TUBB1: variants seen among roughly 807,000 people sequenced by gnomAD.
TUBB1 encodes tubulin beta-1 chain.
TUBB1 carries 28 observed loss-of-function variants against 22.6 expected under a neutral mutation model. That is an observed-to-expected ratio of 1.24 (90% CI 0.92 to 1.70). The LOEUF is 1.70. Ranked by LOEUF, TUBB1 falls within the 40% of genes most tolerant of loss-of-function variation. The pLI is 0.00. For missense variants in TUBB1, 577 were observed against 605.5 expected, an observed-to-expected ratio of 0.95 and a Z score of 0.49; for synonymous variants, 226 against 238.0, an observed-to-expected ratio of 0.95 and a Z score of 0.46.
Position 59,019,596 on chromosome 20 carries a change from T to G in TUBB1, c.57+17T>G. The G allele has an allele frequency of 6.2e-7, 1 of 1,614,034 alleles. No individual in the cohort carries two copies. The highest frequency in any genetic ancestry group is 8.5e-7 in the Non-Finnish European group (1 of 1,179,854). The stretch of plus-strand genomic sequence containing the variant: ...GGAGCCAAGGTAAGTAATGTCTGGT[T>G]ACTAATCCTAGCTTTACCACAGTCC... On this transcript the variant is annotated intron_variant, in intron 1 of 3. Transcript: ENST00000217133.
At chr20:59,021,426 C>T (rs961594098) in intron 1 of TUBB1, among the ~76,000 whole-genome samples, 4 of 152,186 alleles carry the variant, frequency 2.6e-5, no homozygotes, top group Non-Finnish European at 5.9e-5. Flanking sequence ...AAGACCATGG[C>T]CAGAGCAGCA....
chr20:59,020,765 C>T (rs914928924), intron 1 of TUBB1, among the ~76,000 whole-genome samples: 2 of 151,380 alleles, frequency 1.3e-5, no homozygotes, highest in South Asian at 2.1e-4. Flanking sequence ...CTTTCCCTTG[C>T]CCCCCTGCTT....
rs1422424634 is a variant in TUBB1, at chr20:59,025,566, T to C, written c.*783T>C. 1 of 152,258 alleles carries C rather than the reference T, an allele frequency of 6.6e-6. No individual in the cohort carries two copies. Among genetic ancestry groups the C allele is most frequent in the Non-Finnish European group, 1.5e-5 (1 of 68,054 alleles). The allele number at this position is 152,258 out of a possible 1,614,324, so 9.4% of individuals were successfully genotyped here. A position where few individuals can be genotyped will look rare whatever the true frequency, so the allele number is the denominator to read the frequency against. Reference sequence around the variant, plus strand: ...TCTTACTACTGTTAGATCCCAGGAATTCATTAATAATCATCCTTGGCTTTC... The same window carrying C: ...TCTTACTACTGTTAGATCCCAGGAACTCATTAATAATCATCCTTGGCTTTC... On this transcript the variant is annotated 3_prime_UTR_variant, in exon 4 of 4. Transcript: ENST00000217133.
rs780577810 is a variant in TUBB1, at chr20:59,024,506, G to T, written c.1079G>T (p.Gly360Val). The change falls in exon 4 of 4, where the codon GGG (glycine) becomes GTG (valine). Residue 360 changes from glycine to valine, a missense_variant. Transcript: ENST00000217133. This position sits in a 1 kb window ranked among gnomAD's most constrained non-coding sequence, Gnocchi z 4.9. Reference protein sequence around the residue: ...KVAVCDIPPRGLSMAATFIGN... With the variant: ...KVAVCDIPPRVLSMAATFIGN... ...GCTGTCTGCGACATCCCGCCCCGGGGGCTGAGCATGGCCGCCACCTTCATT... is the reference window on the plus strand; with the variant it reads ...GCTGTCTGCGACATCCCGCCCCGGGTGCTGAGCATGGCCGCCACCTTCATT... 2 of 1,614,180 alleles carry T rather than the reference G, an allele frequency of 1.2e-6. No homozygotes were observed. The highest frequency in any genetic ancestry group is 2.2e-5 in the South Asian group (2 of 91,078).
rs2091978236 is a variant in TUBB1 at position 59,023,601 on chromosome 20, G to GT, written c.277+2dup. 6.2e-7 allele frequency: 1 copy of GT among 1,613,982 alleles called. No homozygotes were observed. The highest frequency in any genetic ancestry group is 1.7e-5 in the Admixed American group (1 of 59,996). On this transcript the variant is annotated splice_donor_variant, in intron 3 of 3. Transcript: ENST00000217133. LOFTEE classifies it high-confidence loss of function. ...TTTCAACCCGACAGTTTTGTCCATGGTATGTTTTTCCAGAAGGTTCCACCA... is the reference window on the plus strand; with the variant it reads ...TTTCAACCCGACAGTTTTGTCCATGGTTATGTTTTTCCAGAAGGTTCCACCA...
Position 59,022,850 on chromosome 20 carries a change from G to A in TUBB1, c.63G>A (p.Trp21Ter), listed in dbSNP as rs762246834. The A allele has an allele frequency of 6.2e-6, 10 of 1,614,108 alleles. No homozygotes were observed. Among genetic ancestry groups the A allele is most frequent in the Non-Finnish European group, 8.5e-6 (10 of 1,180,016 alleles). Residue 21 changes from tryptophan (W) to a stop codon, truncating the protein, a stop_gained, in exon 2 of 4, where the codon TGG (tryptophan) becomes TGA (stop). Transcript: ENST00000217133. LOFTEE classifies it high-confidence loss of function. ...GACCTTCCTCCTGCTTTCAGTTCTG[G>A]GAGATGATTGGTGAGGAACACGGGA... ...QCGNQIGAKF[W>*]EMIGEEHGID...
At chr20:59,021,591 T>A (rs1332878398) in intron 1 of TUBB1, among the ~76,000 whole-genome samples, 3 of 152,212 alleles carry the variant, frequency 2.0e-5, no homozygotes, top group South Asian at 2.1e-4. Flanking sequence ...TTGGCACATA[T>A]CTATATTAAT....
At chr20:59,020,879 G>C (rs1187132115) in intron 1 of TUBB1, among the ~76,000 whole-genome samples, 2 of 152,130 alleles carry the variant, frequency 1.3e-5, no homozygotes, top group East Asian at 3.8e-4. Flanking sequence ...ATTGCACCGT[G>C]CAAAATTTAT....
chr20:59,023,078 G>A lies in TUBB1; in HGVS notation c.166+125G>A, dbSNP rs1372533574. ...TCTATGCTCAGGGAGGCGACAGGCA[G>A]GGCAGCAGGATCCTAGAGTGGTGGG... On this transcript the variant is annotated intron_variant, in intron 2 of 3. Transcript: ENST00000217133. The A allele has an allele frequency of 2.8e-5, 26 of 921,470 alleles. No homozygotes were observed. The Admixed American group carries it at 4.8e-4, about 17-fold the overall frequency. The allele number at this position is 921,470 out of a possible 1,614,324, so 57.1% of individuals were successfully genotyped here.
Position 59,023,840 on chromosome 20 carries a change from C to G in TUBB1, c.413C>G (p.Ser138Cys). The G allele has an allele frequency of 6.2e-7, 1 of 1,614,144 alleles. No homozygotes were observed. The highest frequency in any genetic ancestry group is 8.5e-7 in the Non-Finnish European group (1 of 1,180,022). Residue 138 changes from serine (S) to cysteine (C), a missense_variant, in exon 4 of 4, where the codon TCC (serine) becomes TGC (cysteine). Ser to Cys is a moderately radical substitution (Grantham distance 112). Transcript: ENST00000217133. Reference protein sequence around the residue: ...DCLQGFQIVHSLGGGTGSGMG... With the variant: ...DCLQGFQIVHCLGGGTGSGMG... ...CTGCAGGGCTTCCAGATCGTCCACT[C>G]CCTGGGCGGGGGCACAGGCTCCGGG...
Position 59,023,500 on chromosome 20 carries a change from T to A in TUBB1, c.177T>A (p.Tyr59Ter). Residue 59 changes from tyrosine (Y) to a stop codon, truncating the protein, a stop_gained, in exon 3 of 4, where the codon TAT becomes TAA. Coordinates refer to ENST00000217133, the MANE Select transcript of TUBB1 (RefSeq NM_030773.4). LOFTEE classifies it high-confidence loss of function. The part of the protein sequence containing the change: ...VYYNEAYGRK[Y>*]VPRAVLVDLE... Reference sequence around the variant, plus strand: ...TATTTTTCTACACAGGTAGGAAATATGTGCCCCGAGCAGTCTTGGTGGACC... The same window carrying A: ...TATTTTTCTACACAGGTAGGAAATAAGTGCCCCGAGCAGTCTTGGTGGACC... The A allele has an allele frequency of 1.2e-6, 2 of 1,614,152 alleles. No homozygotes were observed. The highest frequency in any genetic ancestry group is 1.7e-6 in the Non-Finnish European group (2 of 1,179,996).
At chr20:59,020,977 T>A (rs950151013) in intron 1 of TUBB1, among the ~76,000 whole-genome samples, 2 of 152,264 alleles carry the variant, frequency 1.3e-5, no homozygotes, top group African/African-American at 4.8e-5. Context: ...TCATCATCCA[T>A]CAATGACACT....
chr20:59,024,750 G>A lies in TUBB1; in HGVS notation c.1323G>A (p.Glu441=), dbSNP rs1262766605. ...AGGAAGATGAAGAGGTCACGGAGGA[G>A]GCAGAAATGGAGCCAGAAGATAAGG... ...VLEEDEEVTE[E]AEMEPEDKGH The change falls in exon 4 of 4, where the codon GAG becomes GAA. Residue 441 remains glutamate, a synonymous_variant. Coordinates refer to ENST00000217133, the MANE Select transcript of TUBB1 (RefSeq NM_030773.4). This position sits in a 1 kb window ranked among gnomAD's most constrained non-coding sequence, Gnocchi z 4.9. 2 of 1,614,036 alleles carry A rather than the reference G, an allele frequency of 1.2e-6. No individual in the cohort carries two copies. Among genetic ancestry groups the A allele is most frequent in the East Asian group, 4.5e-5 (2 of 44,892 alleles).
intron 1 of TUBB1, among the ~76,000 whole-genome samples, chr20:59,020,990 G>A (rs1044776296): frequency 1.3e-5 from 2 of 152,178 alleles, no homozygotes; most frequent in African/African-American, 4.8e-5. Flanking sequence ...ATGACACTTG[G>A]GTTGTTTCTG....
intron 1 of TUBB1, among the ~76,000 whole-genome samples, chr20:59,021,941 G>C (rs1319416446): frequency 6.6e-6 from 1 of 152,048 alleles, no homozygotes; most frequent in Non-Finnish European, 1.5e-5. Flanking sequence ...GTTGCAGTGA[G>C]CCAAGATTGT....
chr20:59,019,865 C>T (rs1306796975), intron 1 of TUBB1, among the ~76,000 whole-genome samples: 1 of 152,178 alleles, frequency 6.6e-6, no homozygotes, highest in Non-Finnish European at 1.5e-5. Flanking sequence ...TACATGCCGA[C>T]CATTATATTA....
Position 59,022,489 on chromosome 20 carries a change from C to T in TUBB1, c.58-356C>T, listed in dbSNP as rs150682456. ...TTTAATGGAATCTACACTTTACTAG[C>T]TTGGAGCATTATAAGGAGAAATTAG... On this transcript the variant is annotated intron_variant, in intron 1 of 3. Transcript: ENST00000217133. 2.6e-4 allele frequency among the ~76,000 whole-genome samples: 40 copies of T among 152,196 alleles called. No individual in the cohort carries two copies. In the East Asian group the frequency reaches 7.1e-3, roughly 27 times the overall value.
At chr20:59,020,170 T>A (rs749685572) in intron 1 of TUBB1, among the ~76,000 whole-genome samples, 7 of 152,158 alleles carry the variant, frequency 4.6e-5, no homozygotes, top group Non-Finnish European at 7.4e-5. Flanking sequence ...TAGGCCACCG[T>A]GCCTGGCACT....
At chr20:59,017,776 G>T (rs1265733204), upstream of TUBB1, among the ~76,000 whole-genome samples, 1 of 152,220 alleles carries the variant, frequency 6.6e-6, no homozygotes, top group East Asian at 1.9e-4. Flanking sequence ...CTGAGAGATG[G>T]TGTCCTTGAG....
Sources: allele counts gnomAD v4.1 joint callset (sites outside exome capture counted in the v4.1 genomes callset), GRCh38; gene constraint gnomAD v4.1.1; non-coding constraint Gnocchi (gnomAD v3.1); transcripts MANE v1.5; gene names NCBI Gene and HGNC (gene_info 2026-07-23, HGNC 2026-07-21).